Variants in SERTM1 observed in about 807,000 individuals in gnomAD.
The protein encoded by SERTM1 is serine-rich and transmembrane domain-containing protein 1.
In SERTM1, 1 loss-of-function variant was observed where a neutral mutation model predicts 5.5. The ratio of observed to expected loss-of-function variants is 0.18; its 90% CI spans 0.06 to 0.86. The LOEUF is 0.86. SERTM1 is among the 40% of genes least tolerant of loss of function. The pLI is 0.69. For synonymous variants in SERTM1, 52 were observed against 55.1 expected (o/e 0.94, Z 0.25); for missense variants, 91 against 122.4 (o/e 0.74, Z 1.21).
At chr13:36,675,312 G>A (rs2056662864) in intron 1 of SERTM1, among the ~76,000 whole-genome samples, 1 of 152,200 alleles carries the variant, frequency 6.6e-6, no homozygotes, top group Non-Finnish European at 1.5e-5. Flanking sequence ...GGTGCAAAGG[G>A]CGGGGAAACT....
chr13:36,679,354 T>C (rs2138084624), intron 1 of SERTM1, among the ~76,000 whole-genome samples: 1 of 152,214 alleles, frequency 6.6e-6, no homozygotes, highest in East Asian at 1.9e-4. Flanking sequence ...ATTCTTGAGA[T>C]GCAACTGTAC....
At chr13:36,687,725 C>T (rs1386015941) in intron 1 of SERTM1, among the ~76,000 whole-genome samples, 27 of 151,842 alleles carry the variant, frequency 1.8e-4, no homozygotes, top group East Asian at 1.9e-4. Context: ...ACTGCACATC[C>T]ATTCTTATAA....
chr13:36,695,296 G>A lies in SERTM1; in HGVS notation c.218G>A (p.Ser73Asn). 1 of 1,614,064 alleles carries A rather than the reference G, an allele frequency of 6.2e-7. No homozygotes were observed. The highest frequency in any genetic ancestry group is 2.2e-5 in the East Asian group (1 of 44,884). ...LQRLKNIISS[S>N]SSYPEYPSDA... is the part of the protein sequence containing the mutation. ...AGGCTCAAAAATATCATCTCCTCCA[G>A]TTCCTCCTACCCAGAGTATCCAAGC... Residue 73 changes from serine (S) to asparagine (N), a missense_variant, in exon 2 of 2, where the codon AGT becomes AAT. Transcript: ENST00000315190.
At chr13:36,694,475 T>C (rs551991463) in intron 1 of SERTM1, among the ~76,000 whole-genome samples, 34 of 152,310 alleles carry the variant, frequency 2.2e-4, no homozygotes, top group Non-Finnish European at 3.4e-4. Context: ...TGCAGTGATT[T>C]TCCAAAGTGT....
At chr13:36,688,734 T>C (rs2056758394) in intron 1 of SERTM1, among the ~76,000 whole-genome samples, 1 of 152,216 alleles carries the variant, frequency 6.6e-6, no homozygotes, top group South Asian at 2.1e-4. Flanking sequence ...GCCAATCTTT[T>C]TTTTACCTTC....
At chr13:36,676,612 G>T (rs2056671389) in intron 1 of SERTM1, among the ~76,000 whole-genome samples, 3 of 149,564 alleles carry the variant, frequency 2.0e-5, no homozygotes, top group Admixed American at 2.0e-4. Context: ...CCACTTGCCT[G>T]GCTCATGGTA....
In SERTM1 at chr13:36,697,260, T is replaced by C. The variant is rs1056974247; in HGVS notation, c.*1858T>C. 3 of 162,584 alleles carry C rather than the reference T, an allele frequency of 1.8e-5. No individual in the cohort carries two copies. Among genetic ancestry groups the C allele is most frequent in the Non-Finnish European group, 4.4e-5 (3 of 67,500 alleles). 10.1% of individuals were successfully genotyped at this position (162,584 alleles called of 1,614,324 possible). ...CTATTTTAGAGCATTATTAGCATTC[T>C]CTGAATATATGTATATATACATATA... On this transcript the variant is annotated 3_prime_UTR_variant, in exon 2 of 2. Coordinates refer to ENST00000315190, the MANE Select transcript of SERTM1 (RefSeq NM_203451.3).
intron 1 of SERTM1, among the ~76,000 whole-genome samples, chr13:36,675,682 A>G (rs2056665530): frequency 6.6e-6 from 1 of 152,114 alleles, no homozygotes; most frequent in African/African-American, 2.4e-5. Flanking sequence ...CACTCAGAAC[A>G]CCGTTTTTAG....
intron 1 of SERTM1, among the ~76,000 whole-genome samples, chr13:36,683,328 C>T (rs1001744753): frequency 2.0e-5 from 3 of 152,186 alleles, no homozygotes; most frequent in Admixed American, 6.5e-5. Context: ...TTCTTTCTCA[C>T]CAGTGCCAAA....
intron 1 of SERTM1, among the ~76,000 whole-genome samples, chr13:36,687,711 A>G (rs1188720069): frequency 6.6e-6 from 1 of 152,114 alleles, no homozygotes; most frequent in Non-Finnish European, 1.5e-5. Context: ...TGAATAAAAT[A>G]TTTACTGCAC....
intron 1 of SERTM1, among the ~76,000 whole-genome samples, chr13:36,679,561 C>A (rs2056690649): frequency 1.3e-5 from 2 of 152,072 alleles, no homozygotes; most frequent in Non-Finnish European, 2.9e-5. Context: ...GTGCCTGCCA[C>A]CACACCTGGC....
intron 1 of SERTM1, among the ~76,000 whole-genome samples, chr13:36,675,305 GC>G (rs1262977529): frequency 2.6e-5 from 4 of 152,228 alleles, no homozygotes; most frequent in Non-Finnish European, 5.9e-5. Context: ...CACTACAGGT[GC>G]AAAGGGCGGG....
At position 36,697,618 on chromosome 13, in the gene SERTM1, A is replaced by C. The variant is rs1292703274; in HGVS notation, c.*2216A>C. The C allele has an allele frequency of 6.0e-6, 1 of 167,020 alleles. No homozygotes were observed. Among genetic ancestry groups the C allele is most frequent in the East Asian group, 1.9e-4 (1 of 5,196 alleles). The allele number at this position is 167,020 out of a possible 1,614,324, so 10.3% of individuals were successfully genotyped here. ...ACTACTTTAAAAATCAAATCAAATC[A>C]AATCCACAAGCACACTCCCATTCCT... On this transcript the variant is annotated 3_prime_UTR_variant, in exon 2 of 2. Transcript: ENST00000315190.
rs188083612 is a variant in SERTM1 at position 36,695,269 on chromosome 13, A to G, written c.191A>G (p.Gln64Arg). The change falls in exon 2 of 2, where the codon CAG (glutamine) becomes CGG (arginine). Residue 64 changes from glutamine (Q) to arginine (R), a missense_variant. Coordinates refer to ENST00000315190, the MANE Select transcript of SERTM1 (RefSeq NM_203451.3). ...FLLLLLIIAL[Q>R]RLKNIISSSS... ...CTTCTGCTTTTAATCATTGCCCTCC[A>G]GAGGCTCAAAAATATCATCTCCTCC... is the stretch of plus-strand genomic sequence containing the variant. The G allele has an allele frequency of 6.2e-7, 1 of 1,614,170 alleles. No homozygotes were observed. The highest frequency in any genetic ancestry group is 2.2e-5 in the East Asian group (1 of 44,888).
chr13:36,676,002 G>A (rs1293657526), intron 1 of SERTM1, among the ~76,000 whole-genome samples: 1 of 152,124 alleles, frequency 6.6e-6, no homozygotes, highest in Non-Finnish European at 1.5e-5. Flanking sequence ...GTAAGATTGA[G>A]TCCATTCTCC....
chr13:36,689,623 G>A (rs983243905), intron 1 of SERTM1, among the ~76,000 whole-genome samples: 5 of 150,214 alleles, frequency 3.3e-5, no homozygotes, highest in Admixed American at 2.7e-4. Flanking sequence ...GACTGTATGA[G>A]GTAGATGCTC....
intron 1 of SERTM1, among the ~76,000 whole-genome samples, chr13:36,691,271 A>G (rs1566231588): frequency 6.6e-6 from 1 of 152,070 alleles, no homozygotes; most frequent in Non-Finnish European, 1.5e-5. Context: ...CTTCCCAAAC[A>G]TTATAGTCCT....
At chr13:36,674,223 G>A (rs1409699100) in intron 1 of SERTM1, 39 bp downstream of exon 1, 1 of 152,146 alleles carries the variant, frequency 6.6e-6, no homozygotes, top group Non-Finnish European at 1.5e-5. Context: ...AGCTCTGGGG[G>A]TGAACTTGCC....
At chr13:36,682,784 G>T (rs2056713856) in intron 1 of SERTM1, among the ~76,000 whole-genome samples, 2 of 152,294 alleles carry the variant, frequency 1.3e-5, no homozygotes, top group South Asian at 4.1e-4. Flanking sequence ...AGATGCATTA[G>T]ACTCATGCAC....
Sources: allele counts gnomAD v4.1 joint callset (sites outside exome capture counted in the v4.1 genomes callset), GRCh38; gene constraint gnomAD v4.1.1; transcripts MANE v1.5; gene names NCBI Gene and HGNC (gene_info 2026-07-23, HGNC 2026-07-21).